Variants in HDAC9 observed in about 807,000 individuals in gnomAD.
The protein encoded by HDAC9 is histone deacetylase 9.
In HDAC9, 41 loss-of-function variants were observed where a neutral mutation model predicts 139.4. The ratio of observed to expected loss-of-function variants is 0.29; its 90% confidence interval spans 0.23 to 0.38. HDAC9 has a LOEUF of 0.38. HDAC9 is among the 10% of genes least tolerant of loss of function. The pLI is 1.00. For synonymous variants in HDAC9, 517 were observed against 476.2 expected (o/e 1.09, Z -1.12); for missense variants, 1,147 against 1,297.0 (o/e 0.88, Z 1.78).
At chr7:18,751,474 C>T (rs1225463482) in intron 14 of HDAC9, among the ~76,000 whole-genome samples, 2 of 152,002 alleles carry the variant, frequency 1.3e-5, no homozygotes, top group African/African-American at 4.8e-5. Flanking sequence ...GATTATGTTG[C>T]CGATATTATT....
rs1343525492 is a variant in HDAC9, at chr7:18,349,549, A to G, written c.-42+59034A>G. 2.0e-5 allele frequency among the ~76,000 whole-genome samples: 3 copies of G among 152,228 alleles called. No individual in the cohort carries two copies. The South Asian group carries it at 6.2e-4, about 32-fold the overall frequency. On this transcript the variant is annotated intron_variant, in intron 1 of 3. Transcript: ENST00000413509. ...CTAGCACATAGCAGGGATGCAATAA[A>G]TATTTGATTCTCAAACATTGAATTG...
intron 1 of HDAC9, among the ~76,000 whole-genome samples, chr7:18,321,917 T>TTCC (rs1800059047): frequency 6.6e-6 from 1 of 152,190 alleles, no homozygotes; most frequent in African/African-American, 2.4e-5. Flanking sequence ...TGCTTTCCAT[T>TTCC]ATGTATTCGC....
intron 2 of HDAC9, among the ~76,000 whole-genome samples, chr7:18,246,058 A>G (rs921967817): frequency 6.6e-6 from 1 of 150,796 alleles, no homozygotes; most frequent in Non-Finnish European, 1.5e-5. Flanking sequence ...CCTTGCCTTC[A>G]TGGAGCTTTC....
At chr7:18,781,264 A>G (rs1262051550) in intron 16 of HDAC9, among the ~76,000 whole-genome samples, 1 of 152,032 alleles carries the variant, frequency 6.6e-6, no homozygotes, top group Non-Finnish European at 1.5e-5. Flanking sequence ...CAATATGCGA[A>G]TTCTGAGGAA....
chr7:18,815,072 A>G (rs1794463940), intron 17 of HDAC9, among the ~76,000 whole-genome samples: 1 of 152,202 alleles, frequency 6.6e-6, no homozygotes, highest in African/African-American at 2.4e-5. Flanking sequence ...TACAGTCTTT[A>G]TAGCCCAGTA....
intron 2 of HDAC9, among the ~76,000 whole-genome samples, chr7:18,284,852 A>G (rs1161661883): frequency 1.3e-5 from 2 of 152,102 alleles, no homozygotes; most frequent in Non-Finnish European, 2.9e-5. Context: ...TTAAAAATTC[A>G]TTTTGCTATA....
chr7:18,179,397 G>C (rs549183125), intron 2 of HDAC9, among the ~76,000 whole-genome samples: 4 of 152,198 alleles, frequency 2.6e-5, no homozygotes, highest in Non-Finnish European at 4.4e-5. Context: ...TCCTAAGGGA[G>C]GAGGGACATG....
chr7:18,881,545 CTAA>C lies in HDAC9; in HGVS notation c.2803+6951_2803+6953del, dbSNP rs1799738256. ...CTGCTTTTTTTCTTGTTCTTTTTTA[CTAA>C]TGACTTTTTACTAATGACTCTATAC... is the stretch of plus-strand genomic sequence containing the variant. On this transcript the variant is annotated intron_variant, in intron 22 of 25. Coordinates refer to ENST00000686413, the MANE Select transcript of HDAC9 (RefSeq NM_178425.4). 4.6e-5 allele frequency among the ~76,000 whole-genome samples: 7 copies of C among 152,064 alleles called. No individual in the cohort carries two copies. The South Asian group carries it at 1.5e-3, about 32-fold the overall frequency.
intron 12 of HDAC9, among the ~76,000 whole-genome samples, chr7:18,715,528 G>C (rs1281454790): frequency 6.6e-5 from 10 of 152,126 alleles, no homozygotes; most frequent in Non-Finnish European, 2.9e-5. Flanking sequence ...CTAGACGCCA[G>C]TGATGAAAAA....
intron 12 of HDAC9, among the ~76,000 whole-genome samples, chr7:18,695,391 C>T (rs150571121): frequency 1.9e-3 from 289 of 152,198 alleles, no homozygotes; most frequent in African/African-American, 6.3e-3. Flanking sequence ...CAAATAATAT[C>T]AACATAAATG....
intron 25 of HDAC9, among the ~76,000 whole-genome samples, chr7:18,986,483 A>G (rs1452443655): frequency 2.6e-5 from 3 of 114,342 alleles, no homozygotes; most frequent in East Asian, 2.4e-4. Context: ...GCCTTGTAGT[A>G]TAGTTTGAAG....
rs567778816 is a variant in HDAC9, at chr7:18,635,425, T to C, written c.912+683T>C. On this transcript the variant is annotated intron_variant, in intron 8 of 25. Coordinates refer to ENST00000686413, the MANE Select transcript of HDAC9 (RefSeq NM_178425.4). ...TGAACTCTATGTTTGAAGAATGACATATTAAAGGATATTAGTTTAAAGTAA... is the reference window on the plus strand; with the variant it reads ...TGAACTCTATGTTTGAAGAATGACACATTAAAGGATATTAGTTTAAAGTAA... Among the ~76,000 whole-genome samples, 4 of 152,112 alleles carry C rather than the reference T, an allele frequency of 2.6e-5. No individual in the cohort carries two copies. In the South Asian group the frequency reaches 8.3e-4, roughly 32 times the overall value.
intron 12 of HDAC9, among the ~76,000 whole-genome samples, chr7:18,713,537 A>C (rs1562875178): frequency 6.6e-6 from 1 of 152,212 alleles, no homozygotes. Flanking sequence ...TTTATCAATT[A>C]CAATTAATTT....
chr7:18,894,600 A>G (rs1457607186), intron 22 of HDAC9, among the ~76,000 whole-genome samples: 2 of 152,118 alleles, frequency 1.3e-5, no homozygotes, highest in Non-Finnish European at 2.9e-5. Flanking sequence ...TAGACTGCAC[A>G]TATAGACTGC....
At position 18,951,392 on chromosome 7, in the gene HDAC9, T is replaced by C. The variant is rs553774137; in HGVS notation, c.2938-2754T>C. 1.2e-4 allele frequency among the ~76,000 whole-genome samples: 18 copies of C among 152,026 alleles called. No individual in the cohort carries two copies. The South Asian group carries it at 3.5e-3, about 30-fold the overall frequency. ...TATGAGTAATGCTTGTGATTAAGCT[T>C]TAGATACAATTAAGCTGGATGAGAG... On this transcript the variant is annotated intron_variant, in intron 23 of 25. Transcript: ENST00000686413.
intron 6 of HDAC9, among the ~76,000 whole-genome samples, chr7:18,611,956 A>G (rs1837283769): frequency 6.6e-6 from 1 of 152,178 alleles, no homozygotes; most frequent in Non-Finnish European, 1.5e-5. Flanking sequence ...TTCAAAGGTG[A>G]AACCTGTTTC....
Position 18,496,330 on chromosome 7 carries a change from A to T in HDAC9, c.22+6A>T, listed in dbSNP as rs772557012. On this transcript the variant is annotated splice_donor_region_variant and intron_variant, in intron 2 of 25. Coordinates refer to ENST00000686413, the MANE Select transcript of HDAC9 (RefSeq NM_178425.4). ...GCACAGTATGATCAGCTCAGGTAAG[A>T]TCCTCTTTCATAACTGAGACGTTTT... is the stretch of plus-strand genomic sequence containing the variant. The T allele has an allele frequency of 6.2e-7, 1 of 1,611,956 alleles. No homozygotes were observed. The highest frequency in any genetic ancestry group is 8.5e-7 in the Non-Finnish European group (1 of 1,178,700).
At chr7:18,091,710 C>T (rs149783805) in intron 1 of HDAC9, among the ~76,000 whole-genome samples, 3 of 152,312 alleles carry the variant, frequency 2.0e-5, no homozygotes, top group Non-Finnish European at 4.4e-5. Context: ...GATCTTCTCC[C>T]ATGTTGGCTA....
chr7:18,308,082 T>C (rs1228793673), intron 1 of HDAC9, among the ~76,000 whole-genome samples: 1 of 152,212 alleles, frequency 6.6e-6, no homozygotes, highest in Non-Finnish European at 1.5e-5. Context: ...TAAAAATACA[T>C]GTTTTCAAAC....
Sources: gnomAD v4.1 joint callset for allele counts (sites outside exome capture counted in the v4.1 genomes callset) on GRCh38, gnomAD v4.1.1 for gene constraint, MANE v1.5 for transcripts, NCBI Gene and HGNC (gene_info 2026-07-23, HGNC 2026-07-21) for gene names.